Variants in FCER1A observed in about 807,000 individuals in gnomAD.
FCER1A encodes the protein Fc epsilon receptor Ia.
Under a neutral mutation model 23.6 loss-of-function variants are expected in FCER1A, and 24 were observed. The observed-to-expected ratio is 1.02, with a 90% CI of 0.74 to 1.43. FCER1A has a LOEUF of 1.43. FCER1A is among the 40% of genes most tolerant of loss of function. The probability of loss-of-function intolerance (pLI) is 0.00; values close to 1 mark genes in which losing one functional copy is unlikely to be tolerated. For missense variants in FCER1A, 318 were observed against 294.5 expected (o/e 1.08, Z -0.58); for synonymous variants, 121 against 108.8 (o/e 1.11, Z -0.70).
intron 3 of FCER1A, among the ~76,000 whole-genome samples, chr1:159,305,580 A>G: frequency 6.6e-6 from 1 of 152,366 alleles, no homozygotes; most frequent in East Asian, 1.9e-4. Flanking sequence ...TATAATTAAC[A>G]CTAGAACTGG....
chr1:159,295,668 C>T (rs1458351074), intron 1 of FCER1A, among the ~76,000 whole-genome samples: 2 of 152,232 alleles, frequency 1.3e-5, no homozygotes, highest in African/African-American at 2.4e-5. Context: ...AAGTGTTTCC[C>T]GTTTTGGAAG....
At position 159,307,846 on chromosome 1, in the gene FCER1A, G is replaced by T; in HGVS notation, c.688G>T (p.Val230Phe). 6.2e-7 allele frequency: 1 copy of T among 1,613,528 alleles called. No individual in the cohort carries two copies. Among genetic ancestry groups the T allele is most frequent in the East Asian group, 2.2e-5 (1 of 44,874 alleles). The change falls in exon 5 of 5, where the codon GTC becomes TTC. Residue 230 changes from valine (V) to phenylalanine (F), a missense_variant. Coordinates refer to ENST00000693622, the MANE Select transcript of FCER1A (RefSeq NM_001387280.1). Reference sequence around the variant, plus strand: ...ATTATTTATCTCAACTCAGCAGCAGGTCACATTTCTCTTGAAGATTAAGAG... The same window carrying T: ...ATTATTTATCTCAACTCAGCAGCAGTTCACATTTCTCTTGAAGATTAAGAG... ...TGLFISTQQQ[V>F]TFLLKIKRTR... is the part of the protein sequence containing the mutation.
chr1:159,300,287 T>A (rs548673128), upstream of FCER1A, among the ~76,000 whole-genome samples: 1 of 152,262 alleles, frequency 6.6e-6, no homozygotes, highest in East Asian at 1.9e-4. Context: ...AGCCTTTAAA[T>A]AGACTATTTG....
the FCER1A span, among the ~76,000 whole-genome samples, chr1:159,283,882 C>A: frequency 0.41 from 62,143 of 151,954 alleles, 15,216 homozygotes; most frequent in East Asian, 0.71. Context: ...GAGAATTCCT[C>A]CATGCTACTA....
chr1:159,289,476 C>T (rs144752172), upstream of FCER1A, among the ~76,000 whole-genome samples: 1 of 152,282 alleles, frequency 6.6e-6, no homozygotes, highest in Non-Finnish European at 1.5e-5. Flanking sequence ...AAAGAAGTCT[C>T]AACTTGTGAG....
upstream of FCER1A, among the ~76,000 whole-genome samples, chr1:159,289,162 C>T (rs963407783): frequency 6.6e-6 from 1 of 152,172 alleles, no homozygotes; most frequent in African/African-American, 2.4e-5. Context: ...AAATCTATCA[C>T]GACCTCCTGC....
chr1:159,302,319 C>G (rs772212296), upstream of FCER1A: 1 of 1,365,794 alleles, frequency 7.3e-7, no homozygotes, highest in Admixed American at 1.7e-5. Context: ...ATATTTGAAG[C>G]CTTAGATCTC....
Position 159,307,883 on chromosome 1 carries a change from G to T in FCER1A, c.725G>T (p.Gly242Val), listed in dbSNP as rs201635034. 23 of 1,613,014 alleles carry T rather than the reference G, an allele frequency of 1.4e-5. No homozygotes were observed. The highest frequency in any genetic ancestry group is 1.9e-5 in the Non-Finnish European group (22 of 1,179,342). Residue 242 changes from glycine (G) to valine (V), a missense_variant, in exon 5 of 5, where the codon GGC (glycine) becomes GTC (valine). Gly to Val is a moderately radical substitution (Grantham distance 109, BLOSUM62 -3). Transcript: ENST00000693622. ...FLLKIKRTRK[G>V]FRLLNPHPKP... ...TTGAAGATTAAGAGAACCAGGAAAG[G>T]CTTCAGACTTCTGAACCCACATCCT... is the stretch of plus-strand genomic sequence containing the variant.
intron 1 of FCER1A, among the ~76,000 whole-genome samples, chr1:159,291,681 T>A (rs897379537): frequency 1.3e-5 from 2 of 152,086 alleles, no homozygotes; most frequent in African/African-American, 4.8e-5. Context: ...ACAAATACAA[T>A]CCAGCATCTT....
In FCER1A at chr1:159,307,751, C is replaced by A. The variant is rs373904317; in HGVS notation, c.593C>A (p.Pro198Gln). The change falls in exon 5 of 5, where the codon CCG becomes CAG. Residue 198 changes from proline (P) to glutamine (Q), a missense_variant. Transcript: ENST00000693622. ...EPLNITVIKA[P>Q]REKYWLQFFI... ...TTGCATCTGTGTTCCACTACAGCTC[C>A]GCGTGAGAAGTACTGGCTACAATTT... 6.3e-7 allele frequency: 1 copy of A among 1,596,722 alleles called. No homozygotes were observed. Among genetic ancestry groups the A allele is most frequent in the Non-Finnish European group, 8.6e-7 (1 of 1,166,740 alleles).
chr1:159,307,430 T>C (rs1481881867), intron 4 of FCER1A, among the ~76,000 whole-genome samples: 2 of 152,222 alleles, frequency 1.3e-5, no homozygotes, highest in East Asian at 3.9e-4. Flanking sequence ...TTTCCACCCC[T>C]TAATTATATG....
upstream of FCER1A, among the ~76,000 whole-genome samples, chr1:159,301,430 G>T (rs1431091814): frequency 6.6e-6 from 1 of 152,144 alleles, no homozygotes; most frequent in Admixed American, 6.6e-5. Flanking sequence ...GAGAAAGGGA[G>T]ATCATGTTGG....
chr1:159,303,778 A>T, intron 2 of FCER1A, 150 bp from the exon 3 acceptor site: 1 of 634,434 alleles, frequency 1.6e-6, no homozygotes, highest in Non-Finnish European at 2.7e-6. Flanking sequence ...CTTCCCCTAG[A>T]AATCAAAACA....
chr1:159,306,459 C>G (rs1231966250), intron 4 of FCER1A, among the ~76,000 whole-genome samples: 1 of 152,174 alleles, frequency 6.6e-6, no homozygotes, highest in Non-Finnish European at 1.5e-5. Context: ...CCTGCTTGCA[C>G]TATGAAATTT....
intron 1 of FCER1A, among the ~76,000 whole-genome samples, chr1:159,291,245 T>G (rs1006899006): frequency 6.6e-6 from 1 of 152,188 alleles, no homozygotes. Flanking sequence ...TTTCCCCTGC[T>G]TTTGTGTATT....
intron 1 of FCER1A, among the ~76,000 whole-genome samples, chr1:159,294,512 G>A (rs1317804247): frequency 6.6e-6 from 1 of 152,086 alleles, no homozygotes; most frequent in Non-Finnish European, 1.5e-5. Context: ...CGTCTATGGA[G>A]CAACATTATT....
chr1:159,299,050 T>C (rs1652364519), upstream of FCER1A, among the ~76,000 whole-genome samples: 1 of 152,224 alleles, frequency 6.6e-6, no homozygotes, highest in South Asian at 2.1e-4. Flanking sequence ...TTCCTTTACA[T>C]AGCAACTGTG....
chr1:159,286,969 C>T (rs1652035106), upstream of FCER1A, among the ~76,000 whole-genome samples: 1 of 152,044 alleles, frequency 6.6e-6, no homozygotes, highest in Non-Finnish European at 1.5e-5. Flanking sequence ...TAAGTGATTT[C>T]CTAAGTAAAA....
At chr1:159,295,898 T>G (rs1181710475) in intron 1 of FCER1A, among the ~76,000 whole-genome samples, 1 of 152,188 alleles carries the variant, frequency 6.6e-6, no homozygotes. Flanking sequence ...GCATACTCTA[T>G]GCACTCCCAA....
Sources: allele counts gnomAD v4.1 joint callset (sites outside exome capture counted in the v4.1 genomes callset), GRCh38; gene constraint gnomAD v4.1.1; transcripts MANE v1.5; gene names NCBI Gene and HGNC (gene_info 2026-07-23, HGNC 2026-07-21).